ITGB8: variants seen among roughly 807,000 people sequenced by gnomAD.
ITGB8 encodes the protein integrin subunit beta 8.
In ITGB8, 30 loss-of-function variants were observed where a neutral mutation model predicts 89.5. The ratio of observed to expected loss-of-function variants is 0.34; its 90% CI spans 0.25 to 0.45. ITGB8 has a LOEUF of 0.45. Among genes scored for constraint, ITGB8 ranks in the 20% least tolerant of loss-of-function variants. The pLI, the probability that ITGB8 is intolerant of heterozygous loss-of-function variation, is 1.00. For synonymous variants in ITGB8, 335 were observed against 320.4 expected, an observed-to-expected ratio of 1.05 and a Z score of -0.49; for missense variants, 836 against 933.3, an observed-to-expected ratio of 0.90 and a Z score of 1.36.
In ITGB8 at chr7:20,360,348, A is replaced by ATTTT. The variant is rs71020629; in HGVS notation, c.128-3279_128-3276dup. 6.3e-5 allele frequency among the ~76,000 whole-genome samples: 8 copies of ATTTT among 127,706 alleles called. No individual in the cohort carries two copies. The East Asian group carries it at 1.9e-3, about 30-fold the overall frequency. The allele number at this position is 127,706 out of a possible 152,430, so 83.8% of individuals were successfully genotyped here. ...CCTTCCATGAGACTACAGTCCTTTA[A>ATTTT]TTTTTTTTTTTTTACTTGAGTAGCG... On this transcript the variant is annotated intron_variant, in intron 1 of 13. Coordinates refer to ENST00000222573, the MANE Select transcript of ITGB8 (RefSeq NM_002214.3).
At chr7:20,354,917 G>C (rs372753906) in intron 1 of ITGB8, among the ~76,000 whole-genome samples, 9 of 152,112 alleles carry the variant, frequency 5.9e-5, no homozygotes, top group East Asian at 3.8e-4. Flanking sequence ...AGAACAGGCA[G>C]GCAAACAGCA....
Position 20,411,290 on chromosome 7 carries a change from G to A in ITGB8, c.*1293G>A, listed in dbSNP as rs554837054. On this transcript the variant is annotated 3_prime_UTR_variant, in exon 14 of 14. Coordinates refer to ENST00000222573, the MANE Select transcript of ITGB8 (RefSeq NM_002214.3). The stretch of plus-strand genomic sequence containing the variant: ...CTGCCTCAGCCTCCTGAGTAGCTGG[G>A]ATTACAGGCATCCACCACCGTGCCC... The A allele has an allele frequency of 2.0e-5, 3 of 152,062 alleles. 1 individual carries two copies. The highest frequency in any genetic ancestry group is 2.1e-4 in the South Asian group (1 of 4,806). The allele number at this position is 152,062 out of a possible 1,614,324, so 9.4% of individuals were successfully genotyped here.
intron 8 of ITGB8, among the ~76,000 whole-genome samples, chr7:20,397,210 G>A (rs910280831): frequency 2.1e-5 from 3 of 145,464 alleles, no homozygotes; most frequent in Non-Finnish European, 1.5e-5. Context: ...AACTAGCTAA[G>A]ATCTTTTCCT....
At chr7:20,339,089 G>A (rs1275386928) in intron 1 of ITGB8, among the ~76,000 whole-genome samples, 1 of 151,602 alleles carries the variant, frequency 6.6e-6, no homozygotes, top group Non-Finnish European at 1.5e-5. Flanking sequence ...CTACTCAGGA[G>A]GCTGGGGCAA....
chr7:20,363,774 G>A (rs1380996274), intron 2 of ITGB8, 52 bp downstream of exon 2: 6 of 1,100,254 alleles, frequency 5.5e-6, no homozygotes, highest in South Asian at 3.3e-5. Flanking sequence ...GCTATAGCAT[G>A]ACTTCATTTT....
chr7:20,396,337 G>A (rs866384781), intron 8 of ITGB8, among the ~76,000 whole-genome samples: 111 of 152,000 alleles, frequency 7.3e-4, no homozygotes, highest in African/African-American at 2.6e-3. Context: ...GGAGGCTGAG[G>A]CAGGAGAATG....
chr7:20,334,555 T>C (rs548787235), intron 1 of ITGB8, among the ~76,000 whole-genome samples: 2 of 152,266 alleles, frequency 1.3e-5, no homozygotes, highest in South Asian at 4.1e-4. Context: ...AACAATCAAC[T>C]AGATTAACAT....
chr7:20,408,304 C>T (rs142111402), intron 12 of ITGB8, among the ~76,000 whole-genome samples: 1 of 151,334 alleles, frequency 6.6e-6, no homozygotes, highest in Non-Finnish European at 1.5e-5. Context: ...GAGACCTGCA[C>T]TGGCATTTGG....
At chr7:20,402,204 A>G (rs1787342077) in intron 10 of ITGB8, 78 bp downstream of exon 10, 4 of 1,251,004 alleles carry the variant, frequency 3.2e-6, no homozygotes, top group African/African-American at 1.5e-5. Flanking sequence ...TTTAAATCAC[A>G]TGTTTATAAA....
chr7:20,380,539 C>T lies in ITGB8; in HGVS notation c.636-127C>T, dbSNP rs781608220. 26 of 703,006 alleles carry T rather than the reference C, an allele frequency of 3.7e-5. 1 individual carries two copies. Among genetic ancestry groups the T allele is most frequent in the Non-Finnish European group, 6.3e-5 (26 of 413,788 alleles). 43.5% of individuals were successfully genotyped at this position (703,006 alleles called of 1,614,324 possible). A position where few individuals can be genotyped will look rare whatever the true frequency, so the allele number is the denominator to read the frequency against. ...TAATTTTATAAGCATAGATTTTCGT[C>T]GTATAAAGTTTCCCTGGCACAAAAG... On this transcript the variant is annotated intron_variant, in intron 4 of 13. Coordinates refer to ENST00000222573, the MANE Select transcript of ITGB8 (RefSeq NM_002214.3).
intron 6 of ITGB8, among the ~76,000 whole-genome samples, chr7:20,384,466 T>C (rs1166975431): frequency 6.6e-6 from 1 of 152,224 alleles, no homozygotes; most frequent in Non-Finnish European, 1.5e-5. Flanking sequence ...TGTATTCAAC[T>C]GAAAGCACTG....
Position 20,331,694 on chromosome 7 carries a change from C to A in ITGB8, c.-113C>A. 3 of 1,303,642 alleles carry A rather than the reference C, an allele frequency of 2.3e-6. No individual in the cohort carries two copies. The highest frequency in any genetic ancestry group is 3.1e-5 in the African/African-American group (2 of 64,386). The allele number at this position is 1,303,642 out of a possible 1,614,324, so 80.8% of individuals were successfully genotyped here. A position where few individuals can be genotyped will look rare whatever the true frequency, so the allele number is the denominator to read the frequency against. On this transcript the variant is annotated 5_prime_UTR_variant, in exon 1 of 14. Coordinates refer to ENST00000222573, the MANE Select transcript of ITGB8 (RefSeq NM_002214.3). The stretch of plus-strand genomic sequence containing the variant: ...CCGCGGGGTCCGCCTGCTAGGCCTG[C>A]GGAAAACGTCCTAGCGACACTCGGC...
chr7:20,415,662 G>A lies in ITGB8; in HGVS notation c.*5665G>A, dbSNP rs1316749049. On this transcript the variant is annotated 3_prime_UTR_variant, in exon 14 of 14. Transcript: ENST00000222573. The stretch of plus-strand genomic sequence containing the variant: ...TTCTAACAGAGCTTATAACAGTTAG[G>A]ACAAGGCATTTAATTAATGCATCAT... The A allele has an allele frequency of 2.6e-5, 4 of 152,514 alleles. No homozygotes were observed. Among genetic ancestry groups the A allele is most frequent in the African/African-American group, 9.7e-5 (4 of 41,440 alleles). 9.4% of individuals were successfully genotyped at this position (152,514 alleles called of 1,614,324 possible).
intron 3 of ITGB8, among the ~76,000 whole-genome samples, chr7:20,372,503 T>C (rs566151655): frequency 6.6e-6 from 1 of 152,118 alleles, no homozygotes; most frequent in African/African-American, 2.4e-5. Flanking sequence ...TGAAGTGGTG[T>C]TGATTTAAAC....
At position 20,406,079 on chromosome 7, in the gene ITGB8, T is replaced by C; in HGVS notation, c.1931T>C (p.Leu644Pro). Residue 644 changes from leucine to proline, a missense_variant, in exon 12 of 14, where the codon CTT becomes CCT. Around this residue, in one of 5 missense-constraint regions of ITGB8, gnomAD observed 422 missense variants for 416.9 expected, o/e 1.01. Coordinates refer to ENST00000222573, the MANE Select transcript of ITGB8 (RefSeq NM_002214.3). ...CKENWNCMQC[L>P]HPHNLSQAIL... Reference sequence around the variant, plus strand: ...CCTTGCAGGAATTGTATGCAATGCCTTCACCCTCACAATTTGTCTCAGGCT... The same window carrying C: ...CCTTGCAGGAATTGTATGCAATGCCCTCACCCTCACAATTTGTCTCAGGCT... 1 of 1,607,726 alleles carries C rather than the reference T, an allele frequency of 6.2e-7. No individual in the cohort carries two copies. The highest frequency in any genetic ancestry group is 8.5e-7 in the Non-Finnish European group (1 of 1,174,168).
At chr7:20,349,770 C>T (rs188967800) in intron 1 of ITGB8, among the ~76,000 whole-genome samples, 34 of 152,214 alleles carry the variant, frequency 2.2e-4, no homozygotes, top group African/African-American at 5.8e-4. Flanking sequence ...TATACACTGG[C>T]GGGAAAGAAA....
At chr7:20,377,330 T>C (rs1436492709) in intron 3 of ITGB8, 1 of 152,192 alleles carries the variant, frequency 6.6e-6, no homozygotes, top group Non-Finnish European at 1.5e-5. Context: ...CTTTTTTAAA[T>C]CTACAAAGAT....
intron 1 of ITGB8, among the ~76,000 whole-genome samples, chr7:20,357,622 A>T (rs1204455322): frequency 6.6e-6 from 1 of 152,194 alleles, no homozygotes; most frequent in Non-Finnish European, 1.5e-5. Context: ...GGGATGCTTT[A>T]CCTTACTTCA....
Position 20,380,560 on chromosome 7 carries a change from A to G in ITGB8, c.636-106A>G, listed in dbSNP as rs535753264. 29 of 902,100 alleles carry G rather than the reference A, an allele frequency of 3.2e-5. No individual in the cohort carries two copies. The East Asian group carries it at 6.7e-4, about 21-fold the overall frequency. 55.9% of individuals were successfully genotyped at this position (902,100 alleles called of 1,614,324 possible). A position where few individuals can be genotyped will look rare whatever the true frequency, so the allele number is the denominator to read the frequency against. ...TCGTCGTATAAAGTTTCCCTGGCACAAAAGAAGTACTCCCTTTTCACACAA... is the reference window on the plus strand; with the variant it reads ...TCGTCGTATAAAGTTTCCCTGGCACGAAAGAAGTACTCCCTTTTCACACAA... On this transcript the variant is annotated intron_variant, in intron 4 of 13. Transcript: ENST00000222573.
Sources: allele counts gnomAD v4.1 joint callset (sites outside exome capture counted in the v4.1 genomes callset), GRCh38; gene constraint gnomAD v4.1.1; regional missense constraint gnomAD v4.1.1; transcripts MANE v1.5; gene names NCBI Gene and HGNC (gene_info 2026-07-23, HGNC 2026-07-21).